Variants in SMARCC1 observed in about 807,000 individuals in gnomAD.
The protein encoded by SMARCC1 is SWI/SNF complex subunit SMARCC1.
In SMARCC1, 43 loss-of-function variants were observed where a neutral mutation model predicts 147.4. The ratio of observed to expected loss-of-function variants is 0.29; its 90% CI spans 0.23 to 0.38. The LOEUF (loss-of-function observed/expected upper bound fraction) is 0.38, where lower values mean the gene tolerates loss of function less well. Ranked by LOEUF, SMARCC1 falls within the 10% of genes least tolerant of loss-of-function variation. SMARCC1 has a pLI of 1.00. For synonymous variants in SMARCC1, 495 were observed against 484.4 expected (o/e 1.02, Z -0.29); for missense variants, 1,119 against 1,381.1 (o/e 0.81, Z 3.01).
At chr3:47,765,285 G>A (rs528925802) in intron 2 of SMARCC1, among the ~76,000 whole-genome samples, 2 of 151,728 alleles carry the variant, frequency 1.3e-5, no homozygotes, top group South Asian at 4.2e-4. Context: ...AAAACGGCAA[G>A]GAAAAGATTA....
chr3:47,680,614 C>G, intron 14 of SMARCC1, 106 bp from the exon 15 acceptor site: 1 of 554,130 alleles, frequency 1.8e-6, no homozygotes, highest in South Asian at 2.0e-5. Flanking sequence ...GTGGCGGGAT[C>G]TCGGCTCACT....
chr3:47,761,172 T>G (rs2034769486), intron 2 of SMARCC1, among the ~76,000 whole-genome samples: 1 of 151,748 alleles, frequency 6.6e-6, no homozygotes, highest in Non-Finnish European at 1.5e-5. Flanking sequence ...CGTGGTGGAA[T>G]GTGTCTGTGG....
At chr3:47,738,369 T>A (rs553035407) in intron 3 of SMARCC1, among the ~76,000 whole-genome samples, 2 of 152,292 alleles carry the variant, frequency 1.3e-5, no homozygotes, top group Non-Finnish European at 2.9e-5. Flanking sequence ...ATCTAAGACA[T>A]CTTACATCTT....
Position 47,633,777 on chromosome 3 carries a change from T to TAC in SMARCC1, c.2646+1412_2646+1413insGT, listed in dbSNP as rs1207095997. ...AAAAAAAAAAAAATATATATATATA[T>TAC]ATACACACACACACACACACACACA... On this transcript the variant is annotated intron_variant, in intron 24 of 27. Transcript: ENST00000254480. 5.2e-4 allele frequency among the ~76,000 whole-genome samples: 24 copies of TAC among 46,516 alleles called. 2 individuals are homozygous for TAC. The highest frequency in any genetic ancestry group is 2.0e-3 in the African/African-American group (23 of 11,656). The allele number at this position is 46,516 out of a possible 152,430, so 30.5% of individuals were successfully genotyped here.
At chr3:47,708,001 G>A (rs2106794918) in intron 9 of SMARCC1, among the ~76,000 whole-genome samples, 1 of 147,436 alleles carries the variant, frequency 6.8e-6, no homozygotes, top group Middle Eastern at 3.6e-3. Flanking sequence ...AACACCTTAT[G>A]AGTATGTAAT....
chr3:47,775,164 C>CTTT (rs756039956), intron 1 of SMARCC1, among the ~76,000 whole-genome samples: 1 of 138,758 alleles, frequency 7.2e-6, no homozygotes, highest in African/African-American at 2.6e-5. Flanking sequence ...CAACATAGTA[C>CTTT]TTTTTTTTTT....
intron 18 of SMARCC1, among the ~76,000 whole-genome samples, chr3:47,671,604 A>G (rs929374397): frequency 1.3e-5 from 2 of 152,228 alleles, no homozygotes; most frequent in Non-Finnish European, 2.9e-5. Context: ...TGAGTATAAC[A>G]GAAGTGAGAC....
chr3:47,628,132 C>T (rs544429963), intron 24 of SMARCC1, among the ~76,000 whole-genome samples: 27 of 151,910 alleles, frequency 1.8e-4, no homozygotes, highest in Non-Finnish European at 3.4e-4. Context: ...TCCACACAGC[C>T]AATATTTATT....
chr3:47,608,617 G>A (rs1038779141), intron 26 of SMARCC1, among the ~76,000 whole-genome samples: 1 of 151,980 alleles, frequency 6.6e-6, no homozygotes, highest in Non-Finnish European at 1.5e-5. Context: ...AGGTCGAGGC[G>A]GAAGGATTGC....
At position 47,663,742 on chromosome 3, in the gene SMARCC1, C is replaced by G. The variant is rs1484587405; in HGVS notation, c.1900-1150G>C. On this transcript the variant is annotated intron_variant, in intron 19 of 27. Transcript: ENST00000254480. Reference sequence around the variant, plus strand: ...TCAAGGAAAAGTTCCTTCACAAGACCCACGAGAACCCGGTGGTACCCATAG... The same window carrying G: ...TCAAGGAAAAGTTCCTTCACAAGACGCACGAGAACCCGGTGGTACCCATAG... The G allele has an allele frequency of 2.6e-6, 4 of 1,511,370 alleles. No homozygotes were observed. In the African/African-American group the frequency reaches 5.5e-5, roughly 21 times the overall value. 93.6% of individuals were successfully genotyped at this position (1,511,370 alleles called of 1,614,324 possible).
intron 27 of SMARCC1, 114 bp from the exon 28 acceptor site, chr3:47,588,420 A>G (rs929847921): frequency 1.2e-5 from 11 of 883,486 alleles, no homozygotes; most frequent in African/African-American, 1.0e-4. Flanking sequence ...CAGGCAACCA[A>G]TGCACCCTGT....
intron 25 of SMARCC1, among the ~76,000 whole-genome samples, chr3:47,615,304 T>C (rs1397637249): frequency 6.6e-6 from 1 of 152,246 alleles, no homozygotes; most frequent in African/African-American, 2.4e-5. Flanking sequence ...TCAGTAGCTG[T>C]ATGCCTGGAG....
chr3:47,604,845 T>C (rs373660618), intron 26 of SMARCC1, among the ~76,000 whole-genome samples: 3 of 152,016 alleles, frequency 2.0e-5, no homozygotes, highest in African/African-American at 7.2e-5. Context: ...ATTACAGGTG[T>C]GTGCCACCAT....
intron 20 of SMARCC1, 109 bp downstream of exon 20, chr3:47,662,225 T>C (rs944813532): frequency 2.1e-6 from 2 of 937,804 alleles, no homozygotes; most frequent in Admixed American, 5.3e-5. Context: ...ACAGGTAATA[T>C]CTGATTTTTG....
intron 22 of SMARCC1, among the ~76,000 whole-genome samples, chr3:47,636,536 G>T (rs1438036049): frequency 6.6e-6 from 1 of 152,158 alleles, no homozygotes; most frequent in Non-Finnish European, 1.5e-5. Flanking sequence ...ATCACCTGAA[G>T]TCAGCAGTTT....
intron 6 of SMARCC1, among the ~76,000 whole-genome samples, chr3:47,726,099 G>A (rs1269474942): frequency 1.5e-5 from 2 of 131,714 alleles, no homozygotes; most frequent in Non-Finnish European, 3.2e-5. Context: ...TTCATGGTAT[G>A]TGGATTATAT....
intron 2 of SMARCC1, among the ~76,000 whole-genome samples, chr3:47,766,287 C>T (rs7649277): frequency 0.08 from 12,190 of 151,772 alleles, 1,489 homozygotes; most frequent in African/African-American, 0.26. Flanking sequence ...AGCTCTAGGC[C>T]GGGCACTGTG....
chr3:47,604,440 T>C (rs965148852), intron 26 of SMARCC1: 4 of 382,494 alleles, frequency 1.0e-5, no homozygotes, highest in African/African-American at 8.4e-5. Flanking sequence ...CAGCTCCCAA[T>C]GTAAGCTGTG....
intron 25 of SMARCC1, among the ~76,000 whole-genome samples, chr3:47,615,205 T>TA (rs1163416123): frequency 6.6e-6 from 1 of 152,240 alleles, no homozygotes; most frequent in East Asian, 1.9e-4. Flanking sequence ...TTATTACTTA[T>TA]AAAACTTCCT....
Sources: gnomAD v4.1 joint callset for allele counts (sites outside exome capture counted in the v4.1 genomes callset) on GRCh38, gnomAD v4.1.1 for gene constraint, MANE v1.5 for transcripts, NCBI Gene and HGNC (gene_info 2026-07-23, HGNC 2026-07-21) for gene names.